The following IL1RAPL1 variants were observed in gnomAD, a reference collection of about 807,000 sequenced individuals.
IL1RAPL1 encodes interleukin 1 receptor accessory protein like 1.
A neutral mutation model predicts 48.4 loss-of-function variants in IL1RAPL1; 3 were observed. That is an observed-to-expected ratio of 0.06 (90% confidence interval 0.03 to 0.16). The LOEUF (loss-of-function observed/expected upper bound fraction) is 0.16. Among genes scored for constraint, IL1RAPL1 ranks in the 10% least tolerant of loss-of-function variants. The pLI is 1.00. For missense variants in IL1RAPL1, 349 were observed against 530.6 expected (o/e 0.66, Z 3.36); for synonymous variants, 185 against 187.7 (o/e 0.99, Z 0.12).
intron 3 of IL1RAPL1, among the ~76,000 whole-genome samples, chrX:29,294,384 C>T (rs1373663197): frequency 1.4e-4 from 15 of 108,564 alleles, no homozygotes; most frequent in Non-Finnish European, 1.3e-4. Context: ...AAAAATGAGC[C>T]GGGCGTGGTG....
At position 29,340,176 on chromosome X, in the gene IL1RAPL1, G is replaced by A. The variant is rs891641883; in HGVS notation, c.363-56082G>A. Among the ~76,000 whole-genome samples, 3 of 111,956 alleles carry A rather than the reference G, an allele frequency of 2.7e-5. No homozygotes were observed. In the South Asian group the frequency reaches 1.1e-3, roughly 41 times the overall value. On this transcript the variant is annotated intron_variant, in intron 3 of 10. Coordinates refer to ENST00000378993, the MANE Select transcript of IL1RAPL1 (RefSeq NM_014271.4). ...TACTCAATTGTTTGTTGATTGAGGT[G>A]AAATTTGTATAACATAAAATCAGTC...
intron 5 of IL1RAPL1, among the ~76,000 whole-genome samples, chrX:29,622,561 C>T (rs1009019146): frequency 8.9e-5 from 10 of 111,820 alleles, no homozygotes; most frequent in Non-Finnish European, 1.9e-4. Flanking sequence ...GGACCTCGTG[C>T]TACATTGGAT....
At chrX:29,267,193 T>C (rs1931968872) in intron 2 of IL1RAPL1, among the ~76,000 whole-genome samples, 1 of 112,004 alleles carries the variant, frequency 8.9e-6, no homozygotes, top group Admixed American at 9.5e-5. Context: ...CATCACAGAA[T>C]GCATGATTAA....
chrX:28,802,228 T>A (rs1476915427), intron 2 of IL1RAPL1, among the ~76,000 whole-genome samples: 1 of 112,452 alleles, frequency 8.9e-6, no homozygotes, highest in Non-Finnish European at 1.9e-5. Flanking sequence ...TCTCCTTGCA[T>A]GTGGTGATGT....
At chrX:29,684,992 A>G (rs778795054) in intron 6 of IL1RAPL1, among the ~76,000 whole-genome samples, 44 of 112,543 alleles carry the variant, frequency 3.9e-4, no homozygotes, top group Admixed American at 1.0e-3. Flanking sequence ...CTTTCTGAAT[A>G]TAATTATCTG....
intron 2 of IL1RAPL1, among the ~76,000 whole-genome samples, chrX:29,087,480 A>G (rs1461667309): frequency 9.0e-6 from 1 of 111,406 alleles, no homozygotes; most frequent in Admixed American, 9.6e-5. Flanking sequence ...AAACATTGAA[A>G]GAGACTACAA....
chrX:28,695,244 G>T (rs1188319893), intron 1 of IL1RAPL1, among the ~76,000 whole-genome samples: 1 of 111,101 alleles, frequency 9.0e-6, no homozygotes, highest in Non-Finnish European at 1.9e-5. Flanking sequence ...ACCGTGTGCT[G>T]GGAGTTCTAC....
At chrX:29,736,246 C>A (rs1928039908) in intron 6 of IL1RAPL1, among the ~76,000 whole-genome samples, 1 of 111,941 alleles carries the variant, frequency 8.9e-6, no homozygotes, top group South Asian at 3.7e-4. Flanking sequence ...AAATACAAGC[C>A]AGGCTTGTTG....
chrX:28,980,619 A>T (rs1264208777), intron 2 of IL1RAPL1, among the ~76,000 whole-genome samples: 1 of 111,826 alleles, frequency 8.9e-6, no homozygotes, highest in Non-Finnish European at 1.9e-5. Context: ...GAAATATTCC[A>T]GAGCAAGAGT....
intron 6 of IL1RAPL1, among the ~76,000 whole-genome samples, chrX:29,684,142 C>T (rs897688445): frequency 9.0e-6 from 1 of 111,434 alleles, no homozygotes; most frequent in African/African-American, 3.3e-5. Context: ...TATGTACCCA[C>T]AAAAATTTTA....
rs757896604 is a variant in IL1RAPL1, at chrX:29,774,556, C to G, written c.778+106052C>G. ...CTTCTACCTTTCCCTAGTTCAAATCCTAATTTAAATAATATTTCAGTGAAT... is the reference window on the plus strand; with the variant it reads ...CTTCTACCTTTCCCTAGTTCAAATCGTAATTTAAATAATATTTCAGTGAAT... On this transcript the variant is annotated intron_variant, in intron 6 of 10. Coordinates refer to ENST00000378993, the MANE Select transcript of IL1RAPL1 (RefSeq NM_014271.4). Among the ~76,000 whole-genome samples, 10 of 112,212 alleles carry G rather than the reference C, an allele frequency of 8.9e-5. No homozygotes were observed. The South Asian group carries it at 3.7e-3, about 41-fold the overall frequency.
chrX:28,978,296 A>T (rs755497697), intron 2 of IL1RAPL1, among the ~76,000 whole-genome samples: 1 of 111,391 alleles, frequency 9.0e-6, no homozygotes, highest in East Asian at 2.9e-4. Flanking sequence ...CCATGGGAAG[A>T]TATGTTGACA....
chrX:28,967,656 A>T (rs1021439520), intron 2 of IL1RAPL1, among the ~76,000 whole-genome samples: 2 of 111,507 alleles, frequency 1.8e-5, no homozygotes, highest in Admixed American at 9.6e-5. Context: ...CCTAGATCAA[A>T]CCATTCCTGA....
intron 3 of IL1RAPL1, among the ~76,000 whole-genome samples, chrX:29,334,244 A>G: frequency 3.5e-5 from 2 of 57,020 alleles, no homozygotes; most frequent in African/African-American, 8.3e-5. Context: ...GGCCGGGCAG[A>G]GGGGCTCCTC....
chrX:29,273,244 C>T (rs1932070025), intron 2 of IL1RAPL1, among the ~76,000 whole-genome samples: 1 of 112,055 alleles, frequency 8.9e-6, no homozygotes, highest in Admixed American at 9.4e-5. Flanking sequence ...TGCCCTGGTT[C>T]TTTCTCATCT....
chrX:29,720,165 T>G (rs920078007), intron 6 of IL1RAPL1, among the ~76,000 whole-genome samples: 1 of 111,575 alleles, frequency 9.0e-6, no homozygotes, highest in Non-Finnish European at 1.9e-5. Flanking sequence ...GGAGTGTAAA[T>G]TAGTTCAACC....
intron 6 of IL1RAPL1, among the ~76,000 whole-genome samples, chrX:29,812,391 G>A (rs1401760670): frequency 9.0e-6 from 1 of 111,328 alleles, no homozygotes; most frequent in African/African-American, 3.3e-5. Flanking sequence ...TGACTAAAAG[G>A]AACTCTCCCA....
chrX:29,954,078 A>G (rs947482466), intron 9 of IL1RAPL1, among the ~76,000 whole-genome samples: 1 of 108,762 alleles, frequency 9.2e-6, no homozygotes, highest in Non-Finnish European at 1.9e-5. Flanking sequence ...TCTACTAAAA[A>G]TACAAAAATT....
At chrX:28,656,837 T>A (rs1234636639) in intron 1 of IL1RAPL1, among the ~76,000 whole-genome samples, 1 of 109,732 alleles carries the variant, frequency 9.1e-6, no homozygotes, top group Non-Finnish European at 1.9e-5. Flanking sequence ...CCATCCTGGC[T>A]AACACGGTGA....
Sources: allele counts gnomAD v4.1 joint callset (sites outside exome capture counted in the v4.1 genomes callset), GRCh38; gene constraint gnomAD v4.1.1; transcripts MANE v1.5; gene names NCBI Gene and HGNC (gene_info 2026-07-23, HGNC 2026-07-21).